The following CLINT1 variants were observed in gnomAD, a reference collection of about 807,000 sequenced individuals.
CLINT1 encodes the protein clathrin interactor 1, also known as clathrin interacting protein localized in the trans-Golgi region.
In CLINT1, 15 loss-of-function variants were observed where a neutral mutation model predicts 70.4. That is an observed-to-expected ratio of 0.21 (90% CI 0.14 to 0.33). The LOEUF is 0.33. CLINT1 is among the 10% of genes least tolerant of loss of function. The pLI is 1.00. For synonymous variants in CLINT1, 227 were observed against 254.7 expected (o/e 0.89, Z 1.04); for missense variants, 615 against 778.1 (o/e 0.79, Z 2.49).
In CLINT1 at chr5:157,818,735, A is replaced by G. The variant is rs1401454477; in HGVS notation, c.42-1188T>C. 2.0e-5 allele frequency among the ~76,000 whole-genome samples: 3 copies of G among 152,204 alleles called. No individual in the cohort carries two copies. In the East Asian group the frequency reaches 5.8e-4, roughly 29 times the overall value. On this transcript the variant is annotated intron_variant, in intron 1 of 11. Coordinates refer to ENST00000411809, the MANE Select transcript of CLINT1 (RefSeq NM_014666.4). The stretch of plus-strand genomic sequence containing the variant: ...GTAATATTTTTATATGAAAGAATTC[A>G]CTTCGGAAAAAATCAGATTAAGACA...
rs1329599129 is a variant in CLINT1, at chr5:157,806,059, A to T, written c.749T>A (p.Phe250Tyr). The stretch of plus-strand genomic sequence containing the variant: ...CGTCACAGTCTCCTCTTCATCTTTG[A>T]ATTCACCTTTGGGAGATCTGCCTCT... The part of the protein sequence containing the change: ...ARRGRSPKGE[F>Y]KDEEETVTTK... Residue 250 changes from phenylalanine to tyrosine, a missense_variant, in exon 7 of 12, where the codon TTC becomes TAC. By Grantham distance (22) the Phe-to-Tyr change is conservative. Coordinates refer to ENST00000411809, the MANE Select transcript of CLINT1 (RefSeq NM_014666.4). 6.2e-7 allele frequency: 1 copy of T among 1,613,774 alleles called. No homozygotes were observed. Among genetic ancestry groups the T allele is most frequent in the Non-Finnish European group, 8.5e-7 (1 of 1,179,866 alleles).
chr5:157,817,658 C>T, intron 1 of CLINT1, 111 bp from the exon 2 acceptor site: 1 of 661,350 alleles, frequency 1.5e-6, no homozygotes, highest in Admixed American at 2.4e-5. Flanking sequence ...GCTACCTCTA[C>T]AGGATGGGAG....
intron 1 of CLINT1, among the ~76,000 whole-genome samples, chr5:157,840,432 C>T (rs1307728978): frequency 2.0e-5 from 3 of 151,812 alleles, no homozygotes; most frequent in Admixed American, 2.0e-4. Context: ...GTTTCAATGT[C>T]AAATTTTCGG....
rs182238485 is a variant in CLINT1 at position 157,828,719 on chromosome 5, T to C, written c.42-11172A>G. ...CTAAAGAAGTATCCCTGGGCTGATT[T>C]AATTTTGCTGGGGATCACCCCTAAC... On this transcript the variant is annotated intron_variant, in intron 1 of 11. Transcript: ENST00000411809. 3.1e-4 allele frequency among the ~76,000 whole-genome samples: 47 copies of C among 152,184 alleles called. No homozygotes were observed. In the East Asian group the frequency reaches 8.5e-3, roughly 27 times the overall value.
At chr5:157,823,721 AT>A (rs903934823) in intron 1 of CLINT1, 21 of 790,332 alleles carry the variant, frequency 2.7e-5, no homozygotes, top group African/African-American at 3.8e-5. Context: ...CTTCTTAATA[AT>A]TTTTTTAACA....
intron 1 of CLINT1, among the ~76,000 whole-genome samples, chr5:157,830,796 C>CTATA (rs369160163): frequency 0.02 from 1,696 of 85,510 alleles, 46 homozygotes; most frequent in Middle Eastern, 0.041. Context: ...CTCTCTCTCT[C>CTATA]TATATATATA....
chr5:157,851,258 T>C (rs1753563372), intron 1 of CLINT1, among the ~76,000 whole-genome samples: 1 of 152,234 alleles, frequency 6.6e-6, no homozygotes, highest in Non-Finnish European at 1.5e-5. Context: ...ATTCAATAGT[T>C]GTTGAAAAAG....
intron 6 of CLINT1, among the ~76,000 whole-genome samples, chr5:157,807,622 A>G (rs1405728009): frequency 1.3e-5 from 2 of 152,118 alleles, no homozygotes; most frequent in Admixed American, 6.5e-5. Flanking sequence ...GGTGTGCCCT[A>G]TCATTATCAC....
chr5:157,804,754 G>A (rs1009795145), intron 7 of CLINT1, among the ~76,000 whole-genome samples: 6 of 151,976 alleles, frequency 3.9e-5, no homozygotes, highest in Admixed American at 2.0e-4. Flanking sequence ...GAGAAAGCCC[G>A]TCTCTACTAA....
chr5:157,822,835 A>G (rs1419293220), intron 1 of CLINT1, among the ~76,000 whole-genome samples: 2 of 152,208 alleles, frequency 1.3e-5, no homozygotes, highest in Admixed American at 6.5e-5. Context: ...AAACTTGAGC[A>G]GTCCTTGTTG....
chr5:157,809,744 A>C lies in CLINT1; in HGVS notation c.579T>G (p.Ser193Arg), dbSNP rs1762495144. 1 of 1,612,582 alleles carries C rather than the reference A, an allele frequency of 6.2e-7. No individual in the cohort carries two copies. Among genetic ancestry groups the C allele is most frequent in the Non-Finnish European group, 8.5e-7 (1 of 1,179,342 alleles). ...CTAATTTATCACTGAATGGAAAAGCACTCTTGTTTTTATCCCACTCCTCAT... is the reference window on the plus strand; with the variant it reads ...CTAATTTATCACTGAATGGAAAAGCCCTCTTGTTTTTATCCCACTCCTCAT... Reference protein sequence around the residue: ...KWDEEWDKNKSAFPFSDKLGE... With the variant: ...KWDEEWDKNKRAFPFSDKLGE... Residue 193 changes from serine (S) to arginine (R), a missense_variant, in exon 6 of 12, where the codon AGT becomes AGG. This residue lies in a region of CLINT1 where 241 missense variants were observed against 368.6 expected (regional missense o/e 0.65). Transcript: ENST00000411809.
intron 8 of CLINT1, among the ~76,000 whole-genome samples, chr5:157,797,964 G>C (rs1174234084): frequency 6.6e-6 from 1 of 152,158 alleles, no homozygotes; most frequent in Non-Finnish European, 1.5e-5. Flanking sequence ...AAAATGGAAA[G>C]ATGTATGTAA....
intron 1 of CLINT1, among the ~76,000 whole-genome samples, chr5:157,850,528 T>C (rs1049008330): frequency 6.8e-5 from 10 of 147,130 alleles, no homozygotes; most frequent in African/African-American, 2.5e-4. Flanking sequence ...GGAGGATGGA[T>C]TGAGCCCAGG....
rs35629225 is a variant in CLINT1 at position 157,831,693 on chromosome 5, CTT to C, written c.42-14148_42-14147del. On this transcript the variant is annotated intron_variant, in intron 1 of 11. Transcript: ENST00000411809. ...ATCAAGTCCCAAGAGTGAAAATATC[CTT>C]TTTTTTTTTTTTTTTTTTTAAGACA... is the stretch of plus-strand genomic sequence containing the variant. 3.3e-3 allele frequency among the ~76,000 whole-genome samples: 403 copies of C among 123,886 alleles called. 1 individual carries two copies. Among genetic ancestry groups the C allele is most frequent in the East Asian group, 0.016 (66 of 4,142 alleles). 81.3% of individuals were successfully genotyped at this position (123,886 alleles called of 152,430 possible).
At chr5:157,844,560 T>C (rs554325996) in intron 1 of CLINT1, among the ~76,000 whole-genome samples, 5 of 152,344 alleles carry the variant, frequency 3.3e-5, no homozygotes, top group South Asian at 2.1e-4. Flanking sequence ...ATAATGTATT[T>C]TGAGTTACTG....
intron 1 of CLINT1, among the ~76,000 whole-genome samples, chr5:157,846,858 A>G (rs1753399681): frequency 6.6e-6 from 1 of 152,224 alleles, no homozygotes; most frequent in Admixed American, 6.5e-5. Flanking sequence ...AGAACAACAA[A>G]GCCTAAATGA....
chr5:157,830,403 C>A (rs550437557), intron 1 of CLINT1, among the ~76,000 whole-genome samples: 1 of 152,008 alleles, frequency 6.6e-6, no homozygotes, highest in East Asian at 1.9e-4. Context: ...AGGTAGCTTT[C>A]GGCCTCTTAT....
chr5:157,799,530 A>T (rs1304509282), intron 8 of CLINT1, among the ~76,000 whole-genome samples: 1 of 152,118 alleles, frequency 6.6e-6, no homozygotes, highest in Non-Finnish European at 1.5e-5. Context: ...TATTTATTGT[A>T]CTAGAAATAT....
intron 1 of CLINT1, among the ~76,000 whole-genome samples, chr5:157,855,763 C>G (rs867390366): frequency 8.5e-5 from 13 of 152,088 alleles, no homozygotes; most frequent in African/African-American, 2.9e-4. Context: ...GGCGAAACCC[C>G]GTGTCTACTA....
Sources: gnomAD v4.1 joint callset for allele counts (sites outside exome capture counted in the v4.1 genomes callset) on GRCh38, gnomAD v4.1.1 for gene constraint, gnomAD v4.1.1 regional missense constraint, MANE v1.5 for transcripts, NCBI Gene and HGNC (gene_info 2026-07-23, HGNC 2026-07-21) for gene names.